Variants in TOMM40 observed in about 807,000 individuals in gnomAD.
TOMM40 encodes translocase of outer mitochondrial membrane 40, also known as mitochondrial import receptor subunit TOM40 homolog.
In TOMM40, 9 loss-of-function variants were observed where a neutral mutation model predicts 38.4. The observed-to-expected ratio is 0.23, with a 90% CI of 0.14 to 0.41. TOMM40 has a LOEUF of 0.41. Ranked by LOEUF, TOMM40 falls within the 10% of genes least tolerant of loss-of-function variation. The pLI is 1.00. For missense variants in TOMM40, 299 were observed against 486.5 expected, an observed-to-expected ratio of 0.61 and a Z score of 3.63; for synonymous variants, 184 against 210.0, an observed-to-expected ratio of 0.88 and a Z score of 1.07.
rs1326183118 is a variant in TOMM40 at position 44,891,705 on chromosome 19, C to T, written c.274+16C>T. 4.2e-6 allele frequency: 6 copies of T among 1,440,064 alleles called. No individual in the cohort carries two copies. The African/African-American group carries it at 8.9e-5, about 21-fold the overall frequency. The allele number at this position is 1,440,064 out of a possible 1,614,324, so 89.2% of individuals were successfully genotyped here. A position where few individuals can be genotyped will look rare whatever the true frequency, so the allele number is the denominator to read the frequency against. ...AAGTGCAAGGGTGAGGGGCGAGGGG[C>T]CCCCGCTGGGCTGCGATGGCCTGGA... On this transcript the variant is annotated intron_variant, in intron 1 of 8. Coordinates refer to ENST00000426677, the MANE Select transcript of TOMM40 (RefSeq NM_001128917.2).
chr19:44,903,500 C>G lies in TOMM40; in HGVS notation c.*331C>G, dbSNP rs1262510093. 1.1e-5 allele frequency: 3 copies of G among 263,024 alleles called. No individual in the cohort carries two copies. Among genetic ancestry groups the G allele is most frequent in the Non-Finnish European group, 2.2e-5 (3 of 136,798 alleles). 16.3% of individuals were successfully genotyped at this position (263,024 alleles called of 1,614,324 possible). On this transcript the variant is annotated 3_prime_UTR_variant, in exon 9 of 9. Coordinates refer to ENST00000426677, the MANE Select transcript of TOMM40 (RefSeq NM_001128917.2). Reference sequence around the variant, plus strand: ...GGGAGGAGTGTCCTGGCGTCCCCATCCTCCAAAGGGCCTGGGCCCGCCCCG... The same window carrying G: ...GGGAGGAGTGTCCTGGCGTCCCCATGCTCCAAAGGGCCTGGGCCCGCCCCG...
chr19:44,901,333 G>T, intron 8 of TOMM40, 23 bp downstream of exon 8: 2 of 1,605,482 alleles, frequency 1.2e-6, no homozygotes, highest in Admixed American at 1.7e-5. Context: ...GTTCCCCTAC[G>T]CGGGAAACAG....
intron 1 of TOMM40, 45 bp downstream of exon 1, chr19:44,891,734 C>A: frequency 7.2e-7 from 1 of 1,396,876 alleles, no homozygotes; most frequent in Admixed American, 3.1e-5. Flanking sequence ...GCCTGGATCT[C>A]GGGGGAAGGG....
At chr19:44,897,952 G>A (rs1969598694) in intron 5 of TOMM40, among the ~76,000 whole-genome samples, 1 of 152,078 alleles carries the variant, frequency 6.6e-6, no homozygotes, top group African/African-American at 2.4e-5. Flanking sequence ...AACCAGTGGG[G>A]GGTTCGGGGA....
At chr19:44,898,927 G>A (rs1019831041) in intron 5 of TOMM40, among the ~76,000 whole-genome samples, 1 of 151,552 alleles carries the variant, frequency 6.6e-6, no homozygotes, top group African/African-American at 2.4e-5. Flanking sequence ...GGCGGATCAC[G>A]AGGTCAGGAG....
intron 2 of TOMM40, 73 bp downstream of exon 2, chr19:44,892,533 C>A: frequency 1.5e-6 from 2 of 1,363,882 alleles, no homozygotes; most frequent in Non-Finnish European, 2.1e-6. Context: ...GCACACTCGG[C>A]CCAATTACTC....
chr19:44,895,281 G>T (rs1969544142), intron 5 of TOMM40, among the ~76,000 whole-genome samples: 1 of 152,110 alleles, frequency 6.6e-6, no homozygotes, highest in Non-Finnish European at 1.5e-5. Flanking sequence ...AGGAGAAGGG[G>T]CTACCCCGGC....
rs1316797756 is a variant in TOMM40 at position 44,899,585 on chromosome 19, TACA to T, written c.644-1140_644-1138del. 2.0e-5 allele frequency among the ~76,000 whole-genome samples: 3 copies of T among 151,744 alleles called. No homozygotes were observed. The East Asian group carries it at 5.8e-4, about 29-fold the overall frequency. Reference sequence around the variant, plus strand: ...CTTTGGCCTCCCAAACTGCTGGGATTACAACAAGCATGAGCCACTGTGCCTGGC... The same window carrying T: ...CTTTGGCCTCCCAAACTGCTGGGATTACAAGCATGAGCCACTGTGCCTGGC... On this transcript the variant is annotated intron_variant, in intron 5 of 8. Coordinates refer to ENST00000426677, the MANE Select transcript of TOMM40 (RefSeq NM_001128917.2).
At chr19:44,898,128 G>T (rs1385806734) in intron 5 of TOMM40, among the ~76,000 whole-genome samples, 1 of 152,092 alleles carries the variant, frequency 6.6e-6, no homozygotes, top group Non-Finnish European at 1.5e-5. Flanking sequence ...TCATCTTGGG[G>T]GTTGCCGCCT....
Position 44,891,569 on chromosome 19 carries a change from C to G in TOMM40, c.154C>G (p.Arg52Gly), listed in dbSNP as rs576381785. The G allele has an allele frequency of 1.5e-5, 22 of 1,444,284 alleles. No individual in the cohort carries two copies. In the East Asian group the frequency reaches 6.0e-4, roughly 40 times the overall value. 89.5% of individuals were successfully genotyped at this position (1,444,284 alleles called of 1,614,324 possible). A position where few individuals can be genotyped will look rare whatever the true frequency, so the allele number is the denominator to read the frequency against. The stretch of plus-strand genomic sequence containing the variant: ...CCTGGGCGCCGGCACCAGTACGAGT[C>G]GAAGTTCGGAACGGACCCCCGGGGC... ...GSLGAGTSTS[R>G]SSERTPGAAT... Residue 52 changes from arginine (R) to glycine (G), a missense_variant, in exon 1 of 9, where the codon CGA becomes GGA. Arg to Gly is a moderately radical substitution (Grantham distance 125). Coordinates refer to ENST00000426677, the MANE Select transcript of TOMM40 (RefSeq NM_001128917.2).
chr19:44,903,381 A>C lies in TOMM40; in HGVS notation c.*212A>C. On this transcript the variant is annotated 3_prime_UTR_variant, in exon 9 of 9. Transcript: ENST00000426677. ...CGGGATTCTGAGTAGCAGGGGCAGCATGCCCAGTGGGCCTGGGGTCCCGGG... is the reference window on the plus strand; with the variant it reads ...CGGGATTCTGAGTAGCAGGGGCAGCCTGCCCAGTGGGCCTGGGGTCCCGGG... 5.7e-6 allele frequency: 3 copies of C among 523,634 alleles called. No individual in the cohort carries two copies. The highest frequency in any genetic ancestry group is 9.9e-6 in the Non-Finnish European group (3 of 303,524). 32.4% of individuals were successfully genotyped at this position (523,634 alleles called of 1,614,324 possible).
intron 5 of TOMM40, among the ~76,000 whole-genome samples, chr19:44,897,838 G>T (rs1969596606): frequency 6.6e-6 from 1 of 150,760 alleles, no homozygotes; most frequent in Admixed American, 6.6e-5. Flanking sequence ...GCCCCAGCTG[G>T]TCTCAGACTC....
chr19:44,900,920 G>A, intron 6 of TOMM40, 68 bp downstream of exon 6: 2 of 1,608,890 alleles, frequency 1.2e-6, no homozygotes, highest in Non-Finnish European at 1.7e-6. Context: ...GTCTGAGGGA[G>A]GACGGGCTAG....
chr19:44,892,459 A>G lies in TOMM40; in HGVS notation c.341A>G (p.Gln114Arg). 6.2e-7 allele frequency: 1 copy of G among 1,612,406 alleles called. No individual in the cohort carries two copies. Among genetic ancestry groups the G allele is most frequent in the Non-Finnish European group, 8.5e-7 (1 of 1,179,922 alleles). ...TVNKGLSNHF[Q>R]VNHTVALSTI... Reference sequence around the variant, plus strand: ...AACAAAGGGTTGAGTAACCATTTTCAGGTGAGCCTTCCTGGTGTCCTTACC... The same window carrying G: ...AACAAAGGGTTGAGTAACCATTTTCGGGTGAGCCTTCCTGGTGTCCTTACC... Residue 114 changes from glutamine (Q) to arginine (R), a missense_variant and splice_region_variant, in exon 2 of 9, where the codon CAG becomes CGG. By Grantham distance (43) the Gln-to-Arg change is conservative. Transcript: ENST00000426677.
In TOMM40 at chr19:44,892,947, TC is replaced by T. The variant is rs1568606066; in HGVS notation, c.435+20del. ...CCACAGAGGTGAGCTTCCTTTTTCA[TC>T]CATTCATTGTATCCTTCTAATAACA... On this transcript the variant is annotated intron_variant, in intron 3 of 8. Transcript: ENST00000426677. The T allele has an allele frequency of 6.3e-7, 1 of 1,599,328 alleles. No homozygotes were observed. The highest frequency in any genetic ancestry group is 1.1e-5 in the South Asian group (1 of 90,118).
chr19:44,903,286 G>GA lies in TOMM40; in HGVS notation c.*117_*118insA. On this transcript the variant is annotated 3_prime_UTR_variant, in exon 9 of 9. Transcript: ENST00000426677. ...TTCCCTCCCCCCTTGGGGGTCGGGG[G>GA]GGACATTGGAAAGGAGGGACCCCGC... is the stretch of plus-strand genomic sequence containing the variant. The GA allele has an allele frequency of 1.7e-6, 2 of 1,176,582 alleles. No individual in the cohort carries two copies. Among genetic ancestry groups the GA allele is most frequent in the Non-Finnish European group, 2.3e-6 (2 of 860,314 alleles). The allele number at this position is 1,176,582 out of a possible 1,614,324, so 72.9% of individuals were successfully genotyped here. A position where few individuals can be genotyped will look rare whatever the true frequency, so the allele number is the denominator to read the frequency against.
At position 44,901,362 on chromosome 19, in the gene TOMM40, C is replaced by CT. The variant is rs763734755; in HGVS notation, c.946+53dup. On this transcript the variant is annotated intron_variant, in intron 8 of 8. Transcript: ENST00000426677. ...GAAACAGGCAGGAGGTGACTCAACTCTGAGTGGATGTGTGGGCCACCACAG... is the reference window on the plus strand; with the variant it reads ...GAAACAGGCAGGAGGTGACTCAACTCTTGAGTGGATGTGTGGGCCACCACAG... The CT allele has an allele frequency of 1.6e-5, 25 of 1,577,774 alleles. 1 individual carries two copies. The South Asian group carries it at 2.2e-4, about 14-fold the overall frequency.
intron 5 of TOMM40, among the ~76,000 whole-genome samples, 198 bp from the exon 6 acceptor site, chr19:44,900,532 T>C (rs1969658732): frequency 6.6e-6 from 1 of 152,132 alleles, no homozygotes; most frequent in African/African-American, 2.4e-5. Flanking sequence ...CTTCAGGTAA[T>C]GCAGTCATAG....
At chr19:44,896,207 C>T (rs1969562672) in intron 5 of TOMM40, among the ~76,000 whole-genome samples, 1 of 151,906 alleles carries the variant, frequency 6.6e-6, no homozygotes, top group Non-Finnish European at 1.5e-5. Context: ...TCCAGTGCCT[C>T]TTCCTTCCCC....
Sources: allele counts gnomAD v4.1 joint callset (sites outside exome capture counted in the v4.1 genomes callset), GRCh38; gene constraint gnomAD v4.1.1; transcripts MANE v1.5; gene names NCBI Gene and HGNC (gene_info 2026-07-23, HGNC 2026-07-21).